DTNBP1: variants seen among roughly 807,000 people sequenced by gnomAD.
The protein encoded by DTNBP1 is dystrobrevin binding protein 1.
A neutral mutation model predicts 42.8 loss-of-function variants in DTNBP1; 35 were observed. The observed-to-expected ratio is 0.82, with a 90% CI of 0.63 to 1.09. DTNBP1 has a LOEUF of 1.09. Ranked by LOEUF, DTNBP1 falls within the 50% of genes least tolerant of loss-of-function variation. DTNBP1 has a pLI of 0.00. For synonymous variants in DTNBP1, 171 were observed against 162.2 expected, an observed-to-expected ratio of 1.05 and a Z score of -0.41; for missense variants, 457 against 424.2, an observed-to-expected ratio of 1.08 and a Z score of -0.68.
chr6:15,600,553 T>C (rs1776689232), intron 6 of DTNBP1, among the ~76,000 whole-genome samples: 1 of 152,108 alleles, frequency 6.6e-6, no homozygotes, highest in Non-Finnish European at 1.5e-5. Flanking sequence ...CTAACAGTAA[T>C]ATAAATGAAG....
chr6:15,592,564 T>A (rs1423344970), intron 7 of DTNBP1, among the ~76,000 whole-genome samples: 1 of 152,168 alleles, frequency 6.6e-6, no homozygotes, highest in African/African-American at 2.4e-5. Flanking sequence ...TCAGAATATA[T>A]TTCATCTGAG....
rs368359408 is a variant in DTNBP1, at chr6:15,575,271, A to G, written c.511+17788T>C. 9.2e-5 allele frequency among the ~76,000 whole-genome samples: 14 copies of G among 152,266 alleles called. No individual in the cohort carries two copies. The East Asian group carries it at 2.3e-3, about 25-fold the overall frequency. On this transcript the variant is annotated intron_variant, in intron 7 of 9. Coordinates refer to ENST00000344537, the MANE Select transcript of DTNBP1 (RefSeq NM_032122.5). Reference sequence around the variant, plus strand: ...AAATTTGTTATTTAGGGTGTAATACAAGACAAAATCCTCTGAAGGTAATTA... The same window carrying G: ...AAATTTGTTATTTAGGGTGTAATACGAGACAAAATCCTCTGAAGGTAATTA...
chr6:15,534,142 G>C (rs749965295), intron 7 of DTNBP1, among the ~76,000 whole-genome samples: 1 of 152,224 alleles, frequency 6.6e-6, no homozygotes, highest in Non-Finnish European at 1.5e-5. Context: ...CAGATGGATG[G>C]AGACACGAAG....
At chr6:15,544,829 CTCT>C (rs1250068513) in intron 7 of DTNBP1, among the ~76,000 whole-genome samples, 1 of 152,222 alleles carries the variant, frequency 6.6e-6, no homozygotes, top group African/African-American at 2.4e-5. Flanking sequence ...CCTTTTCTCT[CTCT>C]TTTCTCCAGA....
intron 5 of DTNBP1, among the ~76,000 whole-genome samples, chr6:15,618,079 A>T (rs557088927): frequency 2.0e-5 from 3 of 152,314 alleles, no homozygotes; most frequent in African/African-American, 7.2e-5. Context: ...AGGAACCTCC[A>T]TACTATTTTT....
At position 15,524,963 on chromosome 6, in the gene DTNBP1, C is replaced by T. The variant is rs954127356; in HGVS notation, c.668-294G>A. 2.6e-5 allele frequency among the ~76,000 whole-genome samples: 4 copies of T among 152,338 alleles called. 1 individual carries two copies. The highest frequency in any genetic ancestry group is 5.9e-5 in the Non-Finnish European group (4 of 68,034). On this transcript the variant is annotated intron_variant, in intron 8 of 9. Transcript: ENST00000344537. ...TGAGTCCCGGCTGTTTTGAGTAGGA[C>T]GCTCAGCCTGTCTCAAAGAGGCCAA...
At position 15,660,427 on chromosome 6, in the gene DTNBP1, G is replaced by A. The variant is rs750379132; in HGVS notation, c.56+2387C>T. 5.4e-6 allele frequency: 7 copies of A among 1,289,646 alleles called. No homozygotes were observed. In the African/African-American group the frequency reaches 6.1e-5, roughly 11 times the overall value. The allele number at this position is 1,289,646 out of a possible 1,614,324, so 79.9% of individuals were successfully genotyped here. Reference sequence around the variant, plus strand: ...GGCACTAGAGGTCCGGGTCTACTGGGAGACTGACATCACTTGGAGATGAGT... The same window carrying A: ...GGCACTAGAGGTCCGGGTCTACTGGAAGACTGACATCACTTGGAGATGAGT... On this transcript the variant is annotated intron_variant, in intron 1 of 9. Coordinates refer to ENST00000344537, the MANE Select transcript of DTNBP1 (RefSeq NM_032122.5).
intron 2 of DTNBP1, among the ~76,000 whole-genome samples, chr6:15,651,789 C>T (rs1761014610): frequency 6.6e-6 from 1 of 152,124 alleles, no homozygotes; most frequent in South Asian, 2.1e-4. Context: ...ATTTGCTTTT[C>T]AATAATTCAG....
intron 6 of DTNBP1, among the ~76,000 whole-genome samples, chr6:15,605,587 G>A (rs1415709901): frequency 6.6e-6 from 1 of 151,968 alleles, no homozygotes; most frequent in African/African-American, 2.4e-5. Context: ...TTTATCATCT[G>A]TCTTCCTCCA....
chr6:15,523,793 C>T (rs1246116794), intron 9 of DTNBP1: 5 of 1,287,238 alleles, frequency 3.9e-6, no homozygotes, highest in Non-Finnish European at 5.1e-6. Flanking sequence ...TGCACCCAAG[C>T]TCCTTCTCTT....
chr6:15,653,295 A>C (rs1020737097), intron 1 of DTNBP1, among the ~76,000 whole-genome samples: 2 of 152,222 alleles, frequency 1.3e-5, no homozygotes, highest in Non-Finnish European at 2.9e-5. Flanking sequence ...CTCCCCTGAT[A>C]CTTCTGAGCT....
chr6:15,662,756 A>G, intron 1 of DTNBP1, 58 bp downstream of exon 1: 1 of 1,605,828 alleles, frequency 6.2e-7, no homozygotes, highest in South Asian at 1.1e-5. Context: ...AGGCAGGGGC[A>G]TCCCAGGCGG....
At chr6:15,619,230 AC>A (rs1758900835) in intron 5 of DTNBP1, among the ~76,000 whole-genome samples, 1 of 152,222 alleles carries the variant, frequency 6.6e-6, no homozygotes, top group Non-Finnish European at 1.5e-5. Flanking sequence ...TGTTCCCAAA[AC>A]AAAAAAATGA....
intron 7 of DTNBP1, among the ~76,000 whole-genome samples, chr6:15,536,100 T>C (rs985562978): frequency 2.0e-5 from 3 of 152,198 alleles, no homozygotes; most frequent in East Asian, 3.9e-4. Context: ...CACAAGGAGA[T>C]AGTTTGAACT....
chr6:15,609,229 G>T (rs1417358107), intron 6 of DTNBP1, among the ~76,000 whole-genome samples: 1 of 147,884 alleles, frequency 6.8e-6, no homozygotes, highest in Non-Finnish European at 1.5e-5. Flanking sequence ...GCTCTCTCTT[G>T]TTCCTTTTCT....
chr6:15,592,764 A>G (rs1051418383), intron 7 of DTNBP1, among the ~76,000 whole-genome samples: 1 of 152,172 alleles, frequency 6.6e-6, no homozygotes, highest in Admixed American at 6.5e-5. Context: ...CCCAGACTGT[A>G]CAAGAGAAAC....
At chr6:15,644,772 A>T (rs1335576130) in intron 3 of DTNBP1, among the ~76,000 whole-genome samples, 1 of 152,152 alleles carries the variant, frequency 6.6e-6, no homozygotes, top group Non-Finnish European at 1.5e-5. Context: ...CCTCTGAGAT[A>T]CAGAAAAAGC....
chr6:15,612,866 GTCTC>G (rs973557784), intron 6 of DTNBP1, among the ~76,000 whole-genome samples: 3 of 152,162 alleles, frequency 2.0e-5, no homozygotes, highest in African/African-American at 7.2e-5. Flanking sequence ...ACAACAGAAT[GTCTC>G]TCTAACTTTT....
intron 7 of DTNBP1, among the ~76,000 whole-genome samples, chr6:15,572,706 C>G (rs1277450532): frequency 6.6e-6 from 1 of 152,140 alleles, no homozygotes; most frequent in Non-Finnish European, 1.5e-5. Flanking sequence ...TTTCAGCACT[C>G]CCAGTCTGGC....
Sources: allele counts gnomAD v4.1 joint callset (sites outside exome capture counted in the v4.1 genomes callset), GRCh38; gene constraint gnomAD v4.1.1; transcripts MANE v1.5; gene names NCBI Gene and HGNC (gene_info 2026-07-23, HGNC 2026-07-21).